The following CCDC38 variants were observed in gnomAD, a reference collection of about 807,000 sequenced individuals.
CCDC38 encodes coiled-coil domain containing 38, also known as coiled-coil domain-containing protein 38.
In CCDC38, 69 loss-of-function variants were observed where a neutral mutation model predicts 72.8. The ratio of observed to expected loss-of-function variants is 0.95; its 90% CI spans 0.78 to 1.16. The LOEUF is 1.16. Among genes scored for constraint, CCDC38 ranks in the 50% most tolerant of loss-of-function variants. The pLI, the probability that CCDC38 is intolerant of heterozygous loss-of-function variation, is 0.00. For synonymous variants in CCDC38, 201 were observed against 213.2 expected (o/e 0.94, Z 0.50); for missense variants, 626 against 638.9 (o/e 0.98, Z 0.22).
chr12:95,936,803 G>A (rs4762254), intron 1 of CCDC38, among the ~76,000 whole-genome samples: 80,528 of 152,074 alleles, frequency 0.53, 22,013 homozygotes, highest in East Asian at 0.92. Flanking sequence ...ATAAATTCCA[G>A]TTGGCCCTTA....
chr12:95,903,855 A>T (rs2079974981), intron 5 of CCDC38: 1 of 166,980 alleles, frequency 6.0e-6, no homozygotes, highest in Admixed American at 6.3e-5. Flanking sequence ...CTTGTCTTCT[A>T]ATCATTTTAT....
chr12:95,915,880 C>T (rs1424753903), intron 4 of CCDC38, among the ~76,000 whole-genome samples: 1 of 152,196 alleles, frequency 6.6e-6, no homozygotes, highest in Non-Finnish European at 1.5e-5. Context: ...ACCCAAAATT[C>T]ATCCAAGACA....
chr12:95,925,232 G>T (rs1462358704), intron 2 of CCDC38, among the ~76,000 whole-genome samples: 1 of 152,088 alleles, frequency 6.6e-6, no homozygotes, highest in African/African-American at 2.4e-5. Context: ...GTGGTTTGTA[G>T]TTCTCCTTGA....
In CCDC38 at chr12:95,902,889, T is replaced by C. The variant is rs79493407; in HGVS notation, c.369+3498A>G. 3.3e-5 allele frequency among the ~76,000 whole-genome samples: 5 copies of C among 152,270 alleles called. No homozygotes were observed. The East Asian group carries it at 9.6e-4, about 29-fold the overall frequency. Reference sequence around the variant, plus strand: ...GTCCTTTGCATTTCCATAAAAAATTTAGAATCAGCCTTTCAATTTCTACAA... The same window carrying C: ...GTCCTTTGCATTTCCATAAAAAATTCAGAATCAGCCTTTCAATTTCTACAA... On this transcript the variant is annotated intron_variant, in intron 5 of 15. Coordinates refer to ENST00000344280, the MANE Select transcript of CCDC38 (RefSeq NM_182496.3).
At chr12:95,931,103 A>G (rs1406975054) in intron 2 of CCDC38, among the ~76,000 whole-genome samples, 1 of 152,208 alleles carries the variant, frequency 6.6e-6, no homozygotes, top group Non-Finnish European at 1.5e-5. Flanking sequence ...TCTGGAGGCC[A>G]GAAGTCTGAA....
intron 4 of CCDC38, among the ~76,000 whole-genome samples, chr12:95,915,688 C>T (rs1565960739): frequency 6.6e-6 from 1 of 152,208 alleles, no homozygotes; most frequent in Admixed American, 6.5e-5. Flanking sequence ...GAAATACAGT[C>T]TGAGGGTGAC....
At chr12:95,897,919 C>T (rs1369825) in intron 7 of CCDC38, among the ~76,000 whole-genome samples, 62,195 of 151,800 alleles carry the variant, frequency 0.41, 13,636 homozygotes, top group African/African-American at 0.55. Flanking sequence ...TACTAGTTTC[C>T]ACTATGTAAG....
chr12:95,910,013 A>G (rs2080073479), intron 4 of CCDC38, among the ~76,000 whole-genome samples: 2 of 152,212 alleles, frequency 1.3e-5, no homozygotes, highest in Non-Finnish European at 2.9e-5. Context: ...TTGCACTCTC[A>G]GCATTCCTAG....
chr12:95,897,840 C>G (rs2079907139), intron 7 of CCDC38, among the ~76,000 whole-genome samples: 1 of 152,094 alleles, frequency 6.6e-6, no homozygotes, highest in Admixed American at 6.6e-5. Flanking sequence ...AAGCGATCCT[C>G]CCGCCTCAGC....
intron 11 of CCDC38, among the ~76,000 whole-genome samples, chr12:95,880,653 CAAA>C (rs34210026): frequency 8.0e-6 from 1 of 125,690 alleles, no homozygotes. Context: ...AACTCCATTT[CAAA>C]AAAAAAAAAA....
intron 10 of CCDC38, among the ~76,000 whole-genome samples, chr12:95,885,001 TG>T (rs2079742300): frequency 1.3e-5 from 2 of 152,226 alleles, no homozygotes; most frequent in Non-Finnish European, 2.9e-5. Flanking sequence ...AAAGTTTTTT[TG>T]TAGATATAGA....
intron 13 of CCDC38, among the ~76,000 whole-genome samples, chr12:95,874,601 T>C (rs1285886755): frequency 6.6e-6 from 1 of 152,140 alleles, no homozygotes; most frequent in Non-Finnish European, 1.5e-5. Flanking sequence ...GGCCAATTGA[T>C]GACAGGGAAG....
At chr12:95,872,117 A>G in intron 14 of CCDC38, 138 bp downstream of exon 14, 1 of 712,580 alleles carries the variant, frequency 1.4e-6, no homozygotes, top group Admixed American at 2.4e-5. Context: ...TAGCTATATG[A>G]GGAGAGCAGG....
chr12:95,912,506 A>T (rs865927238), intron 4 of CCDC38, among the ~76,000 whole-genome samples: 2 of 152,194 alleles, frequency 1.3e-5, no homozygotes, highest in East Asian at 3.8e-4. Context: ...CAGACACACA[A>T]GTACAGCTAG....
intron 12 of CCDC38, 50 bp from the exon 13 acceptor site, chr12:95,878,396 A>G: frequency 6.4e-7 from 1 of 1,570,702 alleles, no homozygotes; most frequent in South Asian, 1.1e-5. Context: ...TGGTTAGTGA[A>G]ATAACCATCA....
rs1037006986 is a variant in CCDC38 at position 95,938,991 on chromosome 12, T to C, written c.-14-2468A>G. On this transcript the variant is annotated intron_variant, in intron 1 of 15. Transcript: ENST00000344280. The stretch of plus-strand genomic sequence containing the variant: ...GTGGTGTATAACTGCCAGCCATCCA[T>C]TTTAGAGGTCGCATAAGCTAAATGA... Among the ~76,000 whole-genome samples the C allele has an allele frequency of 3.9e-5, 6 of 152,322 alleles. No homozygotes were observed. In the South Asian group the frequency reaches 1.0e-3, roughly 26 times the overall value.
chr12:95,893,992 G>A (rs12371193), intron 8 of CCDC38, among the ~76,000 whole-genome samples: 12,961 of 152,054 alleles, frequency 0.085, 771 homozygotes, highest in Non-Finnish European at 0.12. Flanking sequence ...CGGCCGAGGC[G>A]GGCAGATCAC....
chr12:95,884,395 T>C (rs1185068681), intron 10 of CCDC38, among the ~76,000 whole-genome samples: 3 of 152,240 alleles, frequency 2.0e-5, no homozygotes, highest in Non-Finnish European at 4.4e-5. Flanking sequence ...ATTTGTAAGC[T>C]GAAAACTACA....
chr12:95,921,652 TGG>T (rs747368954), intron 2 of CCDC38, among the ~76,000 whole-genome samples: 47 of 152,116 alleles, frequency 3.1e-4, no homozygotes, highest in Non-Finnish European at 5.6e-4. Flanking sequence ...CTTTGACATG[TGG>T]GGTTTATAAT....
Sources: gnomAD v4.1 joint callset for allele counts (sites outside exome capture counted in the v4.1 genomes callset) on GRCh38, gnomAD v4.1.1 for gene constraint, MANE v1.5 for transcripts, NCBI Gene and HGNC (gene_info 2026-07-23, HGNC 2026-07-21) for gene names.